FUT8: variants seen among roughly 807,000 people sequenced by gnomAD.
FUT8 encodes the protein fucosyltransferase 8, also known as alpha-(1,6)-fucosyltransferase.
FUT8 carries 29 observed loss-of-function variants against 71.3 expected under a neutral mutation model. That is an observed-to-expected ratio of 0.41 (90% CI 0.30 to 0.55). The LOEUF (loss-of-function observed/expected upper bound fraction) is 0.55, where lower values mean the gene tolerates loss of function less well. FUT8 is among the 20% of genes least tolerant of loss of function. FUT8 has a pLI of 0.34. For missense variants in FUT8, 544 were observed against 702.1 expected, an observed-to-expected ratio of 0.77 and a Z score of 2.55; for synonymous variants, 254 against 239.3, an observed-to-expected ratio of 1.06 and a Z score of -0.57.
chr14:65,534,597 T>C (rs150973343), intron 2 of FUT8, among the ~76,000 whole-genome samples: 71 of 151,618 alleles, frequency 4.7e-4, no homozygotes, highest in African/African-American at 1.7e-3. Flanking sequence ...TGATTAAATT[T>C]TGGAGCTCAT....
intron 7 of FUT8, among the ~76,000 whole-genome samples, chr14:65,673,196 T>C (rs755758712): frequency 1.3e-5 from 2 of 152,248 alleles, no homozygotes; most frequent in Admixed American, 6.5e-5. Context: ...TATCCACTTA[T>C]CTAAACTGAA....
chr14:65,656,801 C>T (rs1444021536), intron 6 of FUT8, among the ~76,000 whole-genome samples: 1 of 152,060 alleles, frequency 6.6e-6, no homozygotes, highest in Non-Finnish European at 1.5e-5. Context: ...ATGGTACCGG[C>T]ATATAGACCA....
rs1339444171 is a variant in FUT8 at position 65,681,573 on chromosome 14, TA to T, written c.835+12099del. Among the ~76,000 whole-genome samples the T allele has an allele frequency of 1.1e-4, 16 of 152,314 alleles. 1 individual carries two copies. In the South Asian group the frequency reaches 1.5e-3, roughly 14 times the overall value. On this transcript the variant is annotated intron_variant, in intron 7 of 10. Transcript: ENST00000673929. ...CCAGTAAAACTGAAAATAACTTAGT[TA>T]AAAAATATTTTTGCATTTAAAACTA...
At chr14:65,626,996 C>A (rs1889926085) in intron 5 of FUT8, among the ~76,000 whole-genome samples, 1 of 152,138 alleles carries the variant, frequency 6.6e-6, no homozygotes. Context: ...AAAATTATCA[C>A]CGTTATCTCA....
rs147495186 is a variant in FUT8, at chr14:65,426,077, A to G, written c.-326+12863A>G. Among the ~76,000 whole-genome samples, 422 of 152,118 alleles carry G rather than the reference A, an allele frequency of 2.8e-3. 4 individuals are homozygous for G. The highest frequency in any genetic ancestry group is 9.7e-3 in the African/African-American group (402 of 41,494). ...TACGTTAGATCTCTCGAACTTACTCATCCTGAATAACCCTTTGGCCAACAT... is the reference window on the plus strand; with the variant it reads ...TACGTTAGATCTCTCGAACTTACTCGTCCTGAATAACCCTTTGGCCAACAT... On this transcript the variant is annotated intron_variant, in intron 1 of 10. Transcript: ENST00000673929.
At chr14:65,466,627 G>C (rs2066048179) in intron 2 of FUT8, among the ~76,000 whole-genome samples, 1 of 152,112 alleles carries the variant, frequency 6.6e-6, no homozygotes, top group Non-Finnish European at 1.5e-5. Flanking sequence ...GCGCACGCCT[G>C]TAATCCCAGC....
chr14:65,639,158 G>C (rs1228026617), intron 6 of FUT8, among the ~76,000 whole-genome samples: 1 of 152,044 alleles, frequency 6.6e-6, no homozygotes, highest in African/African-American at 2.4e-5. Flanking sequence ...GGATATAGTG[G>C]CATGGGTAGA....
the FUT8 span, among the ~76,000 whole-genome samples, chr14:65,365,061 T>G: frequency 6.6e-6 from 1 of 152,202 alleles, no homozygotes; most frequent in East Asian, 1.9e-4. Flanking sequence ...ATTCTAATCC[T>G]TTTGGCAAGA....
At chr14:65,725,163 A>G (rs1477261506) in intron 9 of FUT8, among the ~76,000 whole-genome samples, 1 of 152,246 alleles carries the variant, frequency 6.6e-6, no homozygotes, top group Admixed American at 6.5e-5. Flanking sequence ...GTAAGGAATC[A>G]AAAAGTAAGT....
At chr14:65,629,299 C>CT (rs1472634933) in intron 5 of FUT8, among the ~76,000 whole-genome samples, 193 bp from the exon 6 acceptor site, 1 of 152,180 alleles carries the variant, frequency 6.6e-6, no homozygotes, top group Non-Finnish European at 1.5e-5. Context: ...TGAAAATTTA[C>CT]TATAGGAATG....
At chr14:65,719,662 T>A (rs957361052) in intron 7 of FUT8, among the ~76,000 whole-genome samples, 3 of 152,208 alleles carry the variant, frequency 2.0e-5, no homozygotes, top group African/African-American at 7.2e-5. Context: ...CATATCTACA[T>A]TAGGGGGCAC....
chr14:65,711,333 A>G (rs1015339034), intron 7 of FUT8, among the ~76,000 whole-genome samples: 1 of 152,220 alleles, frequency 6.6e-6, no homozygotes, highest in African/African-American at 2.4e-5. Flanking sequence ...TAACACTTTC[A>G]TATAAGTAAA....
intron 2 of FUT8, among the ~76,000 whole-genome samples, chr14:65,543,077 T>C (rs12323434): frequency 0.024 from 3,652 of 152,294 alleles, 113 homozygotes; most frequent in East Asian, 0.092. Flanking sequence ...CCACCGCGCC[T>C]GGCCATGACT....
chr14:65,741,979 C>T (rs886622127), intron 10 of FUT8, 114 bp from the exon 11 acceptor site: 4 of 740,960 alleles, frequency 5.4e-6, no homozygotes, highest in Middle Eastern at 2.9e-4. Context: ...TGACTAGAAT[C>T]CACTACTTTT....
chr14:65,650,113 A>G (rs964937063), intron 6 of FUT8, among the ~76,000 whole-genome samples: 9 of 150,816 alleles, frequency 6.0e-5, no homozygotes, highest in South Asian at 4.2e-4. Flanking sequence ...TCGCTAACAC[A>G]GTGAAACCCC....
rs1370844148 is a variant in FUT8, at chr14:65,599,604, A to G, written c.204-16374A>G. Among the ~76,000 whole-genome samples, 5 of 152,224 alleles carry G rather than the reference A, an allele frequency of 3.3e-5. No homozygotes were observed. The East Asian group carries it at 9.6e-4, about 29-fold the overall frequency. On this transcript the variant is annotated intron_variant, in intron 3 of 10. Transcript: ENST00000673929. ...AGCCCATACTTAGATTCCAGGATACATTCCTGGGCCAGACATCTAGAGATA... is the reference window on the plus strand; with the variant it reads ...AGCCCATACTTAGATTCCAGGATACGTTCCTGGGCCAGACATCTAGAGATA...
the FUT8 span, among the ~76,000 whole-genome samples, chr14:65,383,276 T>C: frequency 6.0e-5 from 6 of 100,486 alleles, no homozygotes; most frequent in East Asian, 8.6e-4. Context: ...TTTTTTTTTT[T>C]TTTTTTTTTT....
intron 2 of FUT8, among the ~76,000 whole-genome samples, chr14:65,499,964 C>T (rs1171448067): frequency 6.6e-6 from 1 of 152,108 alleles, no homozygotes; most frequent in Non-Finnish European, 1.5e-5. Context: ...AAAAATTCAG[C>T]TTAGTTATTT....
At chr14:65,544,392 G>T (rs531344766) in intron 2 of FUT8, among the ~76,000 whole-genome samples, 1 of 152,068 alleles carries the variant, frequency 6.6e-6, no homozygotes, top group Non-Finnish European at 1.5e-5. Context: ...ATTTGAAATG[G>T]TTGCTCTTTC....
Sources: allele counts gnomAD v4.1 joint callset (sites outside exome capture counted in the v4.1 genomes callset), GRCh38; gene constraint gnomAD v4.1.1; transcripts MANE v1.5; gene names NCBI Gene and HGNC (gene_info 2026-07-23, HGNC 2026-07-21).